The following NUMB variants were observed in gnomAD, a reference collection of about 807,000 sequenced individuals.
NUMB encodes the protein NUMB endocytic adaptor protein.
A neutral mutation model predicts 59.7 loss-of-function variants in NUMB; 29 were observed. The ratio of observed to expected loss-of-function variants is 0.49; its 90% CI spans 0.36 to 0.66. The LOEUF (loss-of-function observed/expected upper bound fraction) is 0.66. Ranked by LOEUF, NUMB falls within the 30% of genes least tolerant of loss-of-function variation. The pLI is 0.00. For missense variants in NUMB, 723 were observed against 822.0 expected (o/e 0.88, Z 1.47); for synonymous variants, 288 against 288.2 (o/e 1.00, Z 0.01).
chr14:73,329,608 C>T (rs1891850474), intron 4 of NUMB, among the ~76,000 whole-genome samples: 1 of 152,184 alleles, frequency 6.6e-6, no homozygotes, highest in Non-Finnish European at 1.5e-5. Flanking sequence ...ACAGTAAACA[C>T]TCAGTATATT....
chr14:73,423,352 A>AAAC (rs1897435605), intron 1 of NUMB, among the ~76,000 whole-genome samples: 1 of 151,824 alleles, frequency 6.6e-6, no homozygotes, highest in Non-Finnish European at 1.5e-5. Context: ...AAAAAAAAAA[A>AAAC]AACAAGCTGG....
intron 2 of NUMB, among the ~76,000 whole-genome samples, chr14:73,374,480 C>A (rs756748018): frequency 5.9e-5 from 9 of 152,148 alleles, no homozygotes; most frequent in Non-Finnish European, 1.2e-4. Flanking sequence ...TTTCAGAGAA[C>A]CTTGTGCCAA....
chr14:73,321,691 TA>T (rs1185198906), intron 5 of NUMB, among the ~76,000 whole-genome samples: 1 of 152,230 alleles, frequency 6.6e-6, no homozygotes, highest in African/African-American at 2.4e-5. Context: ...TCATGTACCA[TA>T]ACACAAGGTC....
intron 4 of NUMB, among the ~76,000 whole-genome samples, chr14:73,345,398 C>T (rs1892859854): frequency 6.6e-6 from 1 of 152,106 alleles, no homozygotes; most frequent in Admixed American, 6.6e-5. Context: ...ATGCTCACTA[C>T]CTGGGTGATC....
At chr14:73,283,070 G>C (rs1888736683) in intron 10 of NUMB, among the ~76,000 whole-genome samples, 1 of 152,224 alleles carries the variant, frequency 6.6e-6, no homozygotes, top group African/African-American at 2.4e-5. Context: ...AAAGTGAGCA[G>C]AGGTGTAGGA....
chr14:73,347,208 CTCACAT>C (rs889136041), intron 4 of NUMB, among the ~76,000 whole-genome samples: 2 of 152,128 alleles, frequency 1.3e-5, no homozygotes, highest in Non-Finnish European at 2.9e-5. Context: ...CCACCCCACA[CTCACAT>C]GTTCCTTAAC....
chr14:73,367,278 A>ACT (rs1894385336), intron 2 of NUMB, among the ~76,000 whole-genome samples: 1 of 119,784 alleles, frequency 8.3e-6, no homozygotes, highest in African/African-American at 4.9e-5. Context: ...GAAATAAAAT[A>ACT]CTATATATAT....
chr14:73,285,111 G>A (rs1888898076), intron 9 of NUMB: 1 of 152,100 alleles, frequency 6.6e-6, no homozygotes, highest in Admixed American at 6.6e-5. Context: ...GCCTCTCAAG[G>A]TGCTGGGATT....
chr14:73,366,167 C>T (rs976908769), intron 3 of NUMB, among the ~76,000 whole-genome samples: 2 of 152,142 alleles, frequency 1.3e-5, no homozygotes, highest in African/African-American at 4.8e-5. Flanking sequence ...CCATGTTAGG[C>T]TCAATGGGTA....
rs1016194528 is a variant in NUMB at position 73,275,633 on chromosome 14, C to T, written c.*945G>A. ...GATATATTCTCTATAGAGCATATTT[C>T]GATTGATTCCATTAAAATAATGACA... is the stretch of plus-strand genomic sequence containing the variant. On this transcript the variant is annotated 3_prime_UTR_variant, in exon 13 of 13. Transcript: ENST00000555238. 4.6e-4 allele frequency: 70 copies of T among 152,194 alleles called. No homozygotes were observed. The highest frequency in any genetic ancestry group is 4.3e-3 in the Admixed American group (66 of 15,290). The allele number at this position is 152,194 out of a possible 1,614,324, so 9.4% of individuals were successfully genotyped here. A position where few individuals can be genotyped will look rare whatever the true frequency, so the allele number is the denominator to read the frequency against.
At chr14:73,434,720 G>GA (rs140956201) in intron 1 of NUMB, among the ~76,000 whole-genome samples, 7,575 of 147,146 alleles carry the variant, frequency 0.051, 601 homozygotes, top group African/African-American at 0.18. Flanking sequence ...TTTTGTAATA[G>GA]AAAAAAAAAA....
At chr14:73,457,898 C>G (rs1884514288) in intron 1 of NUMB, 1 of 152,486 alleles carries the variant, frequency 6.6e-6, no homozygotes. Context: ...TTTCCTCAGA[C>G]GCCCCTACTT....
intron 1 of NUMB, among the ~76,000 whole-genome samples, chr14:73,435,399 G>A (rs113054774): frequency 1.8e-3 from 271 of 150,572 alleles, no homozygotes; most frequent in African/African-American, 6.0e-3. Flanking sequence ...TCAGCCTCCT[G>A]AGTAGCTGGG....
At chr14:73,381,607 A>C (rs1296844343) in intron 2 of NUMB, among the ~76,000 whole-genome samples, 1 of 152,156 alleles carries the variant, frequency 6.6e-6, no homozygotes, top group Non-Finnish European at 1.5e-5. Flanking sequence ...CACTCTAACT[A>C]AGCCAGCTAC....
Position 73,337,016 on chromosome 14 carries a change from G to A in NUMB, c.127-13812C>T, listed in dbSNP as rs1302185499. On this transcript the variant is annotated intron_variant, in intron 4 of 12. Transcript: ENST00000555238. ...AGAGGCTGAGGCAGGCAGATCACAT[G>A]AGGCCAGGAGTTCAAGACCAGCCTG... Among the ~76,000 whole-genome samples the A allele has an allele frequency of 3.3e-5, 5 of 152,000 alleles. No individual in the cohort carries two copies. The East Asian group carries it at 9.6e-4, about 29-fold the overall frequency.
Position 73,284,110 on chromosome 14 carries a change from C to T in NUMB, c.920G>A (p.Arg307Lys). 6.2e-7 allele frequency: 1 copy of T among 1,614,148 alleles called. No homozygotes were observed. Among genetic ancestry groups the T allele is most frequent in the Non-Finnish European group, 8.5e-7 (1 of 1,180,020 alleles). Reference sequence around the variant, plus strand: ...ATTTTTAATGGGGAAATCAGTCTTCCTCTGCATAGTGGAAGGCAACTCATT... The same window carrying T: ...ATTTTTAATGGGGAAATCAGTCTTCTTCTGCATAGTGGAAGGCAACTCATT... ...RINELPSTMQ[R>K]KTDFPIKNAV... Residue 307 changes from arginine to lysine, a missense_variant, in exon 10 of 13, where the codon AGG becomes AAG. Arg to Lys is a conservative substitution (Grantham distance 26). Transcript: ENST00000555238.
intron 9 of NUMB, 131 bp from the exon 10 acceptor site, chr14:73,284,505 T>C: frequency 1.4e-6 from 1 of 738,124 alleles, no homozygotes. Flanking sequence ...AAACATAAGT[T>C]AGAAGCAGGG....
intron 1 of NUMB, among the ~76,000 whole-genome samples, chr14:73,432,525 G>A (rs1897877696): frequency 6.6e-6 from 1 of 151,838 alleles, no homozygotes; most frequent in Non-Finnish European, 1.5e-5. Context: ...AAACTTTAAA[G>A]ATCATCCAGT....
At chr14:73,352,763 C>T (rs1893481105) in intron 4 of NUMB, among the ~76,000 whole-genome samples, 1 of 146,822 alleles carries the variant, frequency 6.8e-6, no homozygotes, top group South Asian at 2.1e-4. Context: ...AGGATGGTCT[C>T]AATCTCCTGA....
Sources: gnomAD v4.1 joint callset for allele counts (sites outside exome capture counted in the v4.1 genomes callset) on GRCh38, gnomAD v4.1.1 for gene constraint, MANE v1.5 for transcripts, NCBI Gene and HGNC (gene_info 2026-07-23, HGNC 2026-07-21) for gene names.